The following POC1A variants were observed in gnomAD, a reference collection of about 807,000 sequenced individuals.
POC1A encodes the protein POC1 centriolar protein A.
In POC1A, 34 loss-of-function variants were observed where a neutral mutation model predicts 47.8. The ratio of observed to expected loss-of-function variants is 0.71; its 90% CI spans 0.54 to 0.95. The LOEUF is 0.95. Among genes scored for constraint, POC1A ranks in the 40% least tolerant of loss-of-function variants. The pLI is 0.00. For missense variants in POC1A, 466 were observed against 528.3 expected, an observed-to-expected ratio of 0.88 and a Z score of 1.16; for synonymous variants, 177 against 207.6, an observed-to-expected ratio of 0.85 and a Z score of 1.27.
At chr3:52,154,326 C>T in intron 1 of POC1A, 29 bp downstream of exon 1, 5 of 1,558,892 alleles carry the variant, frequency 3.2e-6, no homozygotes, top group Non-Finnish European at 3.5e-6. Flanking sequence ...GAGACTGAGG[C>T]CTGGGGAGTT....
At chr3:52,117,513 G>A (rs1451847459) in intron 9 of POC1A, among the ~76,000 whole-genome samples, 1 of 152,152 alleles carries the variant, frequency 6.6e-6, no homozygotes. Context: ...ACCCCAGGCA[G>A]GGTAGAGAAA....
At chr3:52,129,695 A>G (rs1704138367) in intron 7 of POC1A, among the ~76,000 whole-genome samples, 1 of 152,186 alleles carries the variant, frequency 6.6e-6, no homozygotes, top group Non-Finnish European at 1.5e-5. Flanking sequence ...CCCTCCCTTG[A>G]AAGACCAGGC....
chr3:52,154,413 G>A lies in POC1A; in HGVS notation c.-41C>T, dbSNP rs1324649248. 7.0e-7 allele frequency: 1 copy of A among 1,422,756 alleles called. No homozygotes were observed. The highest frequency in any genetic ancestry group is 9.1e-7 in the Non-Finnish European group (1 of 1,094,030). The allele number at this position is 1,422,756 out of a possible 1,614,324, so 88.1% of individuals were successfully genotyped here. A position where few individuals can be genotyped will look rare whatever the true frequency, so the allele number is the denominator to read the frequency against. ...GCCGAAGGCAGCTGCGGTGGCCGTT[G>A]CGGCCCGTTCAGTTTCCGCGCCCCC... On this transcript the variant is annotated 5_prime_UTR_variant, in exon 1 of 11. Coordinates refer to ENST00000296484, the MANE Select transcript of POC1A (RefSeq NM_015426.5).
intron 10 of POC1A, among the ~76,000 whole-genome samples, chr3:52,093,412 C>T (rs1339295338): frequency 6.6e-6 from 1 of 152,154 alleles, no homozygotes; most frequent in African/African-American, 2.4e-5. Context: ...CTTCATGAGG[C>T]AGTGGAAAAT....
intron 9 of POC1A, among the ~76,000 whole-genome samples, chr3:52,111,914 A>G (rs1703401242): frequency 6.6e-6 from 1 of 152,164 alleles, no homozygotes; most frequent in Admixed American, 6.5e-5. Context: ...CCTGGAGAAC[A>G]CAGATTCAAG....
In POC1A at chr3:52,100,994, G is replaced by A. The variant is rs892807596; in HGVS notation, c.982-4282C>T. On this transcript the variant is annotated intron_variant, in intron 9 of 10. Transcript: ENST00000296484. ...TCTCCTTTGAATGAGGAAGGAGCAG[G>A]ACCGCTAAGAATGTCTCACTTTTGA... 2.7e-5 allele frequency among the ~76,000 whole-genome samples: 4 copies of A among 150,718 alleles called. No individual in the cohort carries two copies. In the South Asian group the frequency reaches 8.3e-4, roughly 31 times the overall value.
intron 9 of POC1A, among the ~76,000 whole-genome samples, chr3:52,115,436 C>T (rs907996390): frequency 1.3e-5 from 2 of 152,164 alleles, no homozygotes; most frequent in African/African-American, 4.8e-5. Context: ...ACACTTCTCC[C>T]CTCTACAGAA....
intron 1 of POC1A, 47 bp downstream of exon 1, chr3:52,154,308 C>G: frequency 1.3e-6 from 2 of 1,544,874 alleles, no homozygotes; most frequent in Non-Finnish European, 1.7e-6. Context: ...GCCCAGTGTC[C>G]CAGCGGGGAG....
chr3:52,117,352 C>CA (rs1396670065), intron 9 of POC1A, among the ~76,000 whole-genome samples: 1 of 151,606 alleles, frequency 6.6e-6, no homozygotes, highest in Non-Finnish European at 1.5e-5. Flanking sequence ...GACCCTGACT[C>CA]AAAAAAAATA....
chr3:52,119,393 CT>C (rs201766579), intron 9 of POC1A, among the ~76,000 whole-genome samples: 411 of 142,900 alleles, frequency 2.9e-3, no homozygotes, highest in East Asian at 3.0e-3. Context: ...CATCAGAAGA[CT>C]TTTTTTTTTT....
intron 10 of POC1A, among the ~76,000 whole-genome samples, chr3:52,088,714 C>G (rs559457669): frequency 3.2e-4 from 48 of 152,040 alleles, no homozygotes; most frequent in African/African-American, 1.1e-3. Context: ...GGGCCCAGGT[C>G]CCCGAGGAGC....
intron 10 of POC1A, among the ~76,000 whole-genome samples, chr3:52,078,503 CTTTTTT>C (rs531817608): frequency 8.8e-6 from 1 of 113,532 alleles, no homozygotes; most frequent in African/African-American, 3.4e-5. Flanking sequence ...ATGGAAATCT[CTTTTTT>C]TTTTTTTTTT....
chr3:52,152,033 G>A (rs575478973), intron 1 of POC1A, among the ~76,000 whole-genome samples: 1 of 152,272 alleles, frequency 6.6e-6, no homozygotes, highest in East Asian at 1.9e-4. Context: ...CCACATTTTG[G>A]GAGGCTGAGG....
Position 52,084,816 on chromosome 3 carries a change from C to T in POC1A, c.1126-8831G>A, listed in dbSNP as rs193124414. 3.9e-4 allele frequency among the ~76,000 whole-genome samples: 59 copies of T among 152,332 alleles called. No homozygotes were observed. In the East Asian group the frequency reaches 0.01, roughly 26 times the overall value. ...TGAGTGGTACTGGTTCTTATGGGAG[C>T]GTCCTCTGAGCTGGAAGACAGGTGG... is the stretch of plus-strand genomic sequence containing the variant. On this transcript the variant is annotated intron_variant, in intron 10 of 10. Coordinates refer to ENST00000296484, the MANE Select transcript of POC1A (RefSeq NM_015426.5). The surrounding 1 kb of genome is among the most constrained non-coding windows in gnomAD (Gnocchi z 4.3).
rs747303522 is a variant in POC1A, at chr3:52,125,095, C to T, written c.882+18G>A. On this transcript the variant is annotated intron_variant, in intron 8 of 10. Coordinates refer to ENST00000296484, the MANE Select transcript of POC1A (RefSeq NM_015426.5). ...AGATTCCCTTCTTCACCATTCCATT[C>T]GACTACTCTTTACTTACTTGTTCAT... The T allele has an allele frequency of 1.3e-5, 20 of 1,577,562 alleles. No individual in the cohort carries two copies. Among genetic ancestry groups the T allele is most frequent in the Middle Eastern group, 1.7e-4 (1 of 6,014 alleles).
chr3:52,148,631 GC>G (rs1220694825), intron 4 of POC1A, among the ~76,000 whole-genome samples: 1 of 152,250 alleles, frequency 6.6e-6, no homozygotes, highest in African/African-American at 2.4e-5. Context: ...TCCAGGCTAA[GC>G]CCCCCATCTC....
rs200601321 is a variant in POC1A, at chr3:52,122,519, C to T, written c.883-42G>A. The T allele has an allele frequency of 1.1e-4, 132 of 1,243,420 alleles. No individual in the cohort carries two copies. The African/African-American group carries it at 1.7e-3, about 16-fold the overall frequency. The allele number at this position is 1,243,420 out of a possible 1,614,324, so 77.0% of individuals were successfully genotyped here. A position where few individuals can be genotyped will look rare whatever the true frequency, so the allele number is the denominator to read the frequency against. On this transcript the variant is annotated intron_variant, in intron 8 of 10. Coordinates refer to ENST00000296484, the MANE Select transcript of POC1A (RefSeq NM_015426.5). Reference sequence around the variant, plus strand: ...GCACACCAAGTCAGGAGAAGAAAATCCCCTTGCCAGTCCTTCACTGAGGAA... The same window carrying T: ...GCACACCAAGTCAGGAGAAGAAAATTCCCTTGCCAGTCCTTCACTGAGGAA...
chr3:52,123,365 T>C (rs1405018326), intron 8 of POC1A, among the ~76,000 whole-genome samples: 2 of 152,182 alleles, frequency 1.3e-5, no homozygotes, highest in African/African-American at 4.8e-5. Flanking sequence ...ACTTCCAGGA[T>C]GGCTGGCTTG....
At chr3:52,146,019 C>T in intron 5 of POC1A, 58 bp from the exon 6 acceptor site, 1 of 1,048,318 alleles carries the variant, frequency 9.5e-7, no homozygotes, top group Non-Finnish European at 1.5e-6. Flanking sequence ...CAGGACGGAC[C>T]CAGAAACATT....
Sources: gnomAD v4.1 joint callset for allele counts (sites outside exome capture counted in the v4.1 genomes callset) on GRCh38, gnomAD v4.1.1 for gene constraint, Gnocchi (gnomAD v3.1) non-coding constraint, MANE v1.5 for transcripts, NCBI Gene and HGNC (gene_info 2026-07-23, HGNC 2026-07-21) for gene names.